FMN1: variants seen among roughly 807,000 people sequenced by gnomAD.
FMN1 encodes the protein formin-1.
In FMN1, 110 loss-of-function variants were observed where a neutral mutation model predicts 132.4. The ratio of observed to expected loss-of-function variants is 0.83; its 90% CI spans 0.71 to 0.97. FMN1 has a LOEUF of 0.97. FMN1 is among the 50% of genes least tolerant of loss of function. The pLI, the probability that FMN1 is intolerant of heterozygous loss-of-function variation, is 0.00. For synonymous variants in FMN1, 722 were observed against 651.7 expected (o/e 1.11, Z -1.64); for missense variants, 1,792 against 1,705.3 (o/e 1.05, Z -0.90).
Position 32,961,586 on chromosome 15 carries a change from A to G in FMN1, c.3138+2521T>C, listed in dbSNP as rs533381037. On this transcript the variant is annotated intron_variant, in intron 9 of 20. Transcript: ENST00000616417. ...AATAAGAAAAACTAACCAACCAAAC[A>G]AAAACCCACTAAAACAGGGAAATGG... is the stretch of plus-strand genomic sequence containing the variant. 2.0e-5 allele frequency among the ~76,000 whole-genome samples: 3 copies of G among 152,308 alleles called. No homozygotes were observed. In the South Asian group the frequency reaches 6.2e-4, roughly 32 times the overall value.
intron 4 of FMN1, among the ~76,000 whole-genome samples, chr15:33,124,527 A>G (rs1192214068): frequency 8.5e-6 from 1 of 118,264 alleles, no homozygotes; most frequent in Non-Finnish European, 1.7e-5. Context: ...GCTCTCCCAA[A>G]GTGATCCTAA....
intron 4 of FMN1, among the ~76,000 whole-genome samples, chr15:33,111,470 C>CTCCTAGAAATAAA (rs1429402345): frequency 1.3e-5 from 2 of 152,100 alleles, no homozygotes; most frequent in Non-Finnish European, 2.9e-5. Context: ...AGCAATTTCA[C>CTCCTAGAAATAAA]TCCTAGAAAT....
intron 6 of FMN1, among the ~76,000 whole-genome samples, chr15:33,062,145 T>C (rs918852156): frequency 6.6e-6 from 1 of 152,112 alleles, no homozygotes; most frequent in African/African-American, 2.4e-5. Flanking sequence ...AAAAAACAAC[T>C]ATGGCAATAT....
intron 6 of FMN1, among the ~76,000 whole-genome samples, chr15:33,018,780 C>T (rs1359049354): frequency 2.6e-5 from 4 of 152,126 alleles, no homozygotes; most frequent in Non-Finnish European, 4.4e-5. Context: ...GGAGTTTCTC[C>T]CTTCTGGTGG....
At chr15:32,867,544 C>G (rs1015829478) in intron 16 of FMN1, among the ~76,000 whole-genome samples, 2 of 151,662 alleles carry the variant, frequency 1.3e-5, no homozygotes, top group African/African-American at 4.9e-5. Context: ...CGCTCTTTCA[C>G]CCAGGCTGGA....
intron 6 of FMN1, among the ~76,000 whole-genome samples, chr15:33,039,760 T>C (rs564531371): frequency 6.6e-6 from 1 of 151,824 alleles, no homozygotes; most frequent in East Asian, 1.9e-4. Context: ...TTATCTCTGA[T>C]TCCATTACCA....
At chr15:32,844,892 G>A (rs1340305671) in intron 17 of FMN1, among the ~76,000 whole-genome samples, 1 of 152,200 alleles carries the variant, frequency 6.6e-6, no homozygotes, top group Non-Finnish European at 1.5e-5. Flanking sequence ...TGAGCTAACT[G>A]CTCCACATAC....
intron 2 of FMN1, among the ~76,000 whole-genome samples, chr15:33,184,878 G>GA (rs1965826865): frequency 6.6e-6 from 1 of 152,110 alleles, no homozygotes; most frequent in African/African-American, 2.4e-5. Flanking sequence ...TTACAAAGCG[G>GA]AAAAGACTGT....
chr15:33,128,137 G>C (rs756793734), intron 4 of FMN1, among the ~76,000 whole-genome samples: 12 of 151,990 alleles, frequency 7.9e-5, no homozygotes, highest in Non-Finnish European at 1.2e-4. Context: ...GATGGGAGCA[G>C]TAGAGAGTGT....
chr15:32,870,366 C>T (rs2059487347), intron 16 of FMN1, among the ~76,000 whole-genome samples: 1 of 152,192 alleles, frequency 6.6e-6, no homozygotes, highest in Non-Finnish European at 1.5e-5. Flanking sequence ...AAGCTGGAGT[C>T]CAGGGGAATC....
chr15:32,871,575 A>G (rs1389736948), intron 16 of FMN1, among the ~76,000 whole-genome samples: 1 of 152,212 alleles, frequency 6.6e-6, no homozygotes, highest in Non-Finnish European at 1.5e-5. Context: ...ATCTGTGTCC[A>G]TACAAACTTA....
intron 4 of FMN1, among the ~76,000 whole-genome samples, chr15:33,118,916 CA>C (rs200093287): frequency 0.029 from 2,720 of 93,716 alleles, 34 homozygotes; most frequent in Non-Finnish European, 0.043. Context: ...CCTTCCTTTA[CA>C]AAAAAAAAAA....
At chr15:32,897,900 G>A (rs900527045) in intron 15 of FMN1, among the ~76,000 whole-genome samples, 5 of 152,186 alleles carry the variant, frequency 3.3e-5, no homozygotes, top group African/African-American at 9.7e-5. Context: ...AGTAGCCAGA[G>A]AAGGACAAGG....
At chr15:33,083,943 G>A (rs779354167) in intron 5 of FMN1, among the ~76,000 whole-genome samples, 2 of 152,234 alleles carry the variant, frequency 1.3e-5, no homozygotes, top group African/African-American at 2.4e-5. Flanking sequence ...CATGCTAAAA[G>A]ACACTCCCAA....
chr15:32,864,339 C>A (rs2059344462), intron 16 of FMN1, among the ~76,000 whole-genome samples: 1 of 152,150 alleles, frequency 6.6e-6, no homozygotes, highest in Non-Finnish European at 1.5e-5. Flanking sequence ...AAGGGGAAAT[C>A]TATTCAAGGA....
intron 17 of FMN1, among the ~76,000 whole-genome samples, chr15:32,833,888 TC>T (rs1442083542): frequency 6.6e-6 from 1 of 152,218 alleles, no homozygotes. Flanking sequence ...ATTTGCTGAC[TC>T]CATTCTTACT....
rs1241975196 is a variant in FMN1, at chr15:32,767,976, G to A, written c.*6334C>T. 2.6e-5 allele frequency: 4 copies of A among 152,180 alleles called. No homozygotes were observed. The highest frequency in any genetic ancestry group is 5.9e-5 in the Non-Finnish European group (4 of 68,036). 9.4% of individuals were successfully genotyped at this position (152,180 alleles called of 1,614,324 possible). A position where few individuals can be genotyped will look rare whatever the true frequency, so the allele number is the denominator to read the frequency against. On this transcript the variant is annotated 3_prime_UTR_variant, in exon 21 of 21. Transcript: ENST00000616417. ...GTATGAAGAAATAAGATTTTATCTA[G>A]AGACAAGTTAGCATGAAGCGAGGAA...
intron 17 of FMN1, among the ~76,000 whole-genome samples, chr15:32,845,710 G>A (rs2058839887): frequency 1.3e-5 from 2 of 152,148 alleles, no homozygotes; most frequent in South Asian, 4.2e-4. Context: ...ACCTGTTGAA[G>A]TCAAGTATAG....
chr15:33,140,386 C>A (rs1193358438), intron 4 of FMN1, among the ~76,000 whole-genome samples: 1 of 152,130 alleles, frequency 6.6e-6, no homozygotes, highest in African/African-American at 2.4e-5. Context: ...GAAAACAAAG[C>A]AACCATTACA....
Sources: gnomAD v4.1 joint callset for allele counts (sites outside exome capture counted in the v4.1 genomes callset) on GRCh38, gnomAD v4.1.1 for gene constraint, MANE v1.5 for transcripts, NCBI Gene and HGNC (gene_info 2026-07-23, HGNC 2026-07-21) for gene names.